ITPR2: variants seen among roughly 807,000 people sequenced by gnomAD.
ITPR2 encodes inositol 1,4,5-trisphosphate receptor type 2.
In ITPR2, 207 loss-of-function variants were observed where a neutral mutation model predicts 317.1. That is an observed-to-expected ratio of 0.65 (90% CI 0.58 to 0.73). The LOEUF (loss-of-function observed/expected upper bound fraction) is 0.73, where lower values mean the gene tolerates loss of function less well. Among genes scored for constraint, ITPR2 ranks in the 30% least tolerant of loss-of-function variants. The probability of loss-of-function intolerance (pLI) is 0.00; values close to 1 mark genes in which losing one functional copy is unlikely to be tolerated. For synonymous variants in ITPR2, 1,156 were observed against 1,149.1 expected (o/e 1.01, Z -0.12); for missense variants, 2,613 against 3,284.0 (o/e 0.80, Z 4.99).
chr12:26,666,163 T>TAGATAGATAGATAGATAGATA, intron 13 of ITPR2, 112 bp from the exon 14 acceptor site: 1 of 411,848 alleles, frequency 2.4e-6, no homozygotes, highest in South Asian at 4.0e-5. Context: ...GATAGATAGA[T>TAGATAGATAGATAGATAGATA]TTTTTTTTAC....
rs1941428674 is a variant in ITPR2 at position 26,439,164 on chromosome 12, A to G, written c.6606T>C (p.Asp2202=). Residue 2202 remains aspartate (D), a synonymous_variant, in exon 47 of 57, where the codon GAT becomes GAC. Transcript: ENST00000381340. ...KVNDFFQQTE[D]LYNEMKWQKK... is the part of the protein sequence containing the mutation. ...TCTGCCACTTCATTTCATTGTAGAG[A>G]TCTTCTGTTTGCTGGAAAAAGTCAT... is the stretch of plus-strand genomic sequence containing the variant. 1.9e-6 allele frequency: 3 copies of G among 1,611,152 alleles called. No homozygotes were observed. The highest frequency in any genetic ancestry group is 3.3e-4 in the Middle Eastern group (2 of 6,070).
intron 2 of ITPR2, among the ~76,000 whole-genome samples, chr12:26,787,910 A>G (rs1054902170): frequency 2.7e-5 from 4 of 150,802 alleles, no homozygotes; most frequent in Non-Finnish European, 4.4e-5. Context: ...TTTCTATCAT[A>G]AGGTGACTAT....
chr12:26,814,801 A>G (rs1018153794), intron 1 of ITPR2, among the ~76,000 whole-genome samples: 2 of 152,224 alleles, frequency 1.3e-5, no homozygotes, highest in African/African-American at 4.8e-5. Flanking sequence ...ATTTTTATTC[A>G]TTAGGTAAAT....
chr12:26,533,588 AAT>A (rs1944003566), intron 37 of ITPR2, among the ~76,000 whole-genome samples: 2 of 152,228 alleles, frequency 1.3e-5, no homozygotes, highest in Admixed American at 6.5e-5. Flanking sequence ...TTGAAGAGGT[AAT>A]TACATTAAAA....
intron 8 of ITPR2, among the ~76,000 whole-genome samples, chr12:26,714,466 T>C (rs970618922): frequency 4.6e-5 from 7 of 152,124 alleles, no homozygotes; most frequent in Non-Finnish European, 7.3e-5. Flanking sequence ...AAATACATAT[T>C]ATTTTATTAT....
At chr12:26,730,030 A>G (rs572960283) in intron 2 of ITPR2, among the ~76,000 whole-genome samples, 1 of 152,294 alleles carries the variant, frequency 6.6e-6, no homozygotes, top group East Asian at 1.9e-4. Context: ...CCAAAAAAAG[A>G]AAGAAAAAGA....
intron 8 of ITPR2, among the ~76,000 whole-genome samples, chr12:26,713,321 G>A (rs1358619942): frequency 2.6e-5 from 4 of 152,028 alleles, no homozygotes; most frequent in Admixed American, 6.6e-5. Context: ...CAGTCCTCAG[G>A]CTTCCTCACA....
intron 21 of ITPR2, among the ~76,000 whole-genome samples, chr12:26,653,454 A>C (rs975663674): frequency 2.4e-4 from 36 of 151,934 alleles, no homozygotes; most frequent in East Asian, 1.9e-4. Context: ...GTTGGCCAGG[A>C]TGGTCTCGAT....
intron 37 of ITPR2, among the ~76,000 whole-genome samples, chr12:26,510,929 T>C (rs1168298183): frequency 2.0e-5 from 3 of 152,224 alleles, no homozygotes; most frequent in East Asian, 1.9e-4. Context: ...ACTAGACGTG[T>C]TGGGGGCAGA....
At position 26,831,195 on chromosome 12, in the gene ITPR2, C is replaced by T. The variant is rs1951095877; in HGVS notation, c.92+1495G>A. On this transcript the variant is annotated intron_variant, in intron 1 of 56. Transcript: ENST00000381340. The surrounding 1 kb of genome is among the most constrained non-coding windows in gnomAD (Gnocchi z 4.9). ...TCAAAAACAGTGGTAGCTCATGATT[C>T]ACAAACCCAGCAGAAGCGCTTGGCA... Among the ~76,000 whole-genome samples the T allele has an allele frequency of 6.6e-6, 1 of 152,202 alleles. No homozygotes were observed. The highest frequency in any genetic ancestry group is 2.4e-5 in the African/African-American group (1 of 41,448).
intron 35 of ITPR2, 72 bp from the exon 36 acceptor site, chr12:26,556,447 C>T: frequency 7.0e-7 from 1 of 1,422,706 alleles, no homozygotes; most frequent in South Asian, 1.3e-5. Context: ...ATAAGACAAG[C>T]TCAAGAATAC....
At chr12:26,412,525 C>G (rs77096972) in intron 51 of ITPR2, among the ~76,000 whole-genome samples, 3,267 of 152,206 alleles carry the variant, frequency 0.021, 129 homozygotes, top group African/African-American at 0.075. Flanking sequence ...GCTAGGCCCC[C>G]CAGGCCCAGA....
rs1937943376 is a variant in ITPR2 at position 26,337,195 on chromosome 12, T to C, written c.*2202A>G. ...CATTAGGTCATTTCTAGAAAGCAAT[T>C]ATATACACCTAATGGCTTATTCCCT... On this transcript the variant is annotated 3_prime_UTR_variant, in exon 57 of 57. Transcript: ENST00000381340. 6.6e-6 allele frequency: 1 copy of C among 152,156 alleles called. No homozygotes were observed. Among genetic ancestry groups the C allele is most frequent in the Non-Finnish European group, 1.5e-5 (1 of 68,024 alleles). The allele number at this position is 152,156 out of a possible 1,614,324, so 9.4% of individuals were successfully genotyped here. A position where few individuals can be genotyped will look rare whatever the true frequency, so the allele number is the denominator to read the frequency against.
At chr12:26,811,036 C>CAAAAAAAAAAAAAAAAAAAAAA (rs79796097) in intron 1 of ITPR2, among the ~76,000 whole-genome samples, 2 of 108,316 alleles carry the variant, frequency 1.8e-5, no homozygotes, top group African/African-American at 7.7e-5. Flanking sequence ...TTTTAAGTTA[C>CAAAAAAAAAAAAAAAAAAAAAA]AAAAAAAAAA....
rs931510559 is a variant in ITPR2 at position 26,725,784 on chromosome 12, CA to C, written c.164-20del. On this transcript the variant is annotated intron_variant, in intron 2 of 56. Coordinates refer to ENST00000381340, the MANE Select transcript of ITPR2 (RefSeq NM_002223.4). ...AGGCAGTCTGTGACAAACCAACATA[CA>C]AAAACACTGTAACTAAGGCTACTAG... The C allele has an allele frequency of 9.4e-6, 14 of 1,492,854 alleles. No individual in the cohort carries two copies. The highest frequency in any genetic ancestry group is 1.3e-5 in the Non-Finnish European group (14 of 1,070,812). The allele number at this position is 1,492,854 out of a possible 1,614,324, so 92.5% of individuals were successfully genotyped here. A position where few individuals can be genotyped will look rare whatever the true frequency, so the allele number is the denominator to read the frequency against.
intron 54 of ITPR2, among the ~76,000 whole-genome samples, chr12:26,394,799 G>A (rs1450801681): frequency 6.6e-6 from 1 of 152,144 alleles, no homozygotes; most frequent in Non-Finnish European, 1.5e-5. Context: ...ATGTGGCTGT[G>A]GGAATGTGTG....
intron 13 of ITPR2, among the ~76,000 whole-genome samples, chr12:26,681,238 CT>C (rs1948022972): frequency 6.6e-6 from 1 of 152,162 alleles, no homozygotes; most frequent in South Asian, 2.1e-4. Flanking sequence ...ACAGGAATAC[CT>C]ATTTCAAGGC....
At chr12:26,790,375 G>GATTT in intron 1 of ITPR2, 148 bp from the exon 2 acceptor site, 1 of 628,528 alleles carries the variant, frequency 1.6e-6, no homozygotes, top group African/African-American at 1.8e-5. Flanking sequence ...TCTGTAAAAA[G>GATTT]ATTTGGTTGT....
At chr12:26,627,859 C>T (rs192362835) in intron 23 of ITPR2, among the ~76,000 whole-genome samples, 174 bp downstream of exon 23, 14 of 152,042 alleles carry the variant, frequency 9.2e-5, no homozygotes, top group Admixed American at 8.5e-4. Flanking sequence ...CAACATGGCA[C>T]GTGTATACCT....
Sources: allele counts gnomAD v4.1 joint callset (sites outside exome capture counted in the v4.1 genomes callset), GRCh38; gene constraint gnomAD v4.1.1; non-coding constraint Gnocchi (gnomAD v3.1); transcripts MANE v1.5; gene names NCBI Gene and HGNC (gene_info 2026-07-23, HGNC 2026-07-21).